Variants in ARAP2 observed in about 807,000 individuals in gnomAD.
The protein encoded by ARAP2 is arf-GAP with Rho-GAP domain, ANK repeat and PH domain-containing protein 2.
ARAP2 carries 148 observed loss-of-function variants against 194.5 expected under a neutral mutation model. The observed-to-expected ratio is 0.76, with a 90% confidence interval of 0.67 to 0.87. The LOEUF (loss-of-function observed/expected upper bound fraction) is 0.87, where lower values mean the gene tolerates loss of function less well. ARAP2 is among the 40% of genes least tolerant of loss of function. The pLI, the probability that ARAP2 is intolerant of heterozygous loss-of-function variation, is 0.00. For missense variants in ARAP2, 2,128 were observed against 1,989.7 expected (o/e 1.07, Z -1.32); for synonymous variants, 695 against 683.5 (o/e 1.02, Z -0.26).
At chr4:36,121,394 G>C (rs1722649657) in intron 22 of ARAP2, 68 bp from the exon 23 acceptor site, 1 of 1,424,104 alleles carries the variant, frequency 7.0e-7, no homozygotes, top group Non-Finnish European at 9.4e-7. Context: ...CAGAAAGCCA[G>C]TTTATCAATT....
rs371505212 is a variant in ARAP2 at position 36,230,670 on chromosome 4, GCGT to G, written c.-159-1028_-159-1026del. On this transcript the variant is annotated intron_variant, in intron 1 of 32. Transcript: ENST00000303965. ...ATATGTGCAACTTTCTGTACATTGT[GCGT>G]CAATAAAAAAGTACAGAGCAGGCAT... Among the ~76,000 whole-genome samples the G allele has an allele frequency of 9.9e-5, 15 of 152,212 alleles. No homozygotes were observed. In the East Asian group the frequency reaches 2.9e-3, roughly 29 times the overall value.
Position 36,068,212 on chromosome 4 carries a change from T to C in ARAP2, c.4810A>G (p.Ser1604Gly), listed in dbSNP as rs757964428. ...ACCATGGAAGCTCTCTCCTTTAAGCTAGAGTCCACGGACTCTTTATCACAC... is the reference window on the plus strand; with the variant it reads ...ACCATGGAAGCTCTCTCCTTTAAGCCAGAGTCCACGGACTCTTTATCACAC... ...EKCDKESVDS[S>G]LKERASMVAH... Residue 1604 changes from serine to glycine, a missense_variant, in exon 33 of 33, where the codon AGC becomes GGC. Coordinates refer to ENST00000303965, the MANE Select transcript of ARAP2 (RefSeq NM_015230.4). 6.2e-7 allele frequency: 1 copy of C among 1,612,490 alleles called. No homozygotes were observed. The highest frequency in any genetic ancestry group is 2.2e-5 in the East Asian group (1 of 44,878).
chr4:36,125,017 T>C, intron 21 of ARAP2, 50 bp from the exon 22 acceptor site: 1 of 1,216,376 alleles, frequency 8.2e-7, no homozygotes. Context: ...TTATCTATGT[T>C]ATGGATTTGT....
chr4:36,064,490 G>A (rs899977098), downstream of ARAP2, among the ~76,000 whole-genome samples: 9 of 152,232 alleles, frequency 5.9e-5, no homozygotes, highest in Non-Finnish European at 8.8e-5. Context: ...GAATGGGGTG[G>A]CAGGACTTGC....
rs112901531 is a variant in ARAP2 at position 36,171,357 on chromosome 4, C to A, written c.1858-4310G>T. Among the ~76,000 whole-genome samples the A allele has an allele frequency of 6.3e-3, 965 of 152,254 alleles. 13 individuals carry two copies. The highest frequency in any genetic ancestry group is 0.022 in the African/African-American group (921 of 41,556). Reference sequence around the variant, plus strand: ...ATGCAGCCATAAAAAATGAAGAGTTCATGTCCTTTGTACGGACATGGATGA... The same window carrying A: ...ATGCAGCCATAAAAAATGAAGAGTTAATGTCCTTTGTACGGACATGGATGA... On this transcript the variant is annotated intron_variant, in intron 9 of 32. Transcript: ENST00000303965.
intron 8 of ARAP2, among the ~76,000 whole-genome samples, chr4:36,013,443 G>T (rs965702335): frequency 1.3e-5 from 2 of 152,166 alleles, no homozygotes; most frequent in African/African-American, 4.8e-5. Context: ...TTTTTACCAT[G>T]CCTAAATGAC....
intron 1 of ARAP2, among the ~76,000 whole-genome samples, chr4:36,239,804 A>G (rs1753171057): frequency 6.6e-6 from 1 of 152,244 alleles, no homozygotes; most frequent in South Asian, 2.1e-4. Flanking sequence ...ATCAGAAAAC[A>G]GACTAGAAGA....
chr4:36,099,993 T>C (rs1716415948), intron 27 of ARAP2, among the ~76,000 whole-genome samples: 2 of 151,974 alleles, frequency 1.3e-5, no homozygotes, highest in Non-Finnish European at 2.9e-5. Context: ...TTTCTAAGAG[T>C]CTAAAAACCT....
intron 19 of ARAP2, among the ~76,000 whole-genome samples, chr4:36,136,938 A>ATG (rs1726968867): frequency 6.8e-6 from 1 of 147,588 alleles, no homozygotes; most frequent in Non-Finnish European, 1.5e-5. Flanking sequence ...GCGCGCACAC[A>ATG]CACACACACA....
chr4:36,206,252 T>A (rs939048491), intron 6 of ARAP2, among the ~76,000 whole-genome samples: 1 of 152,220 alleles, frequency 6.6e-6, no homozygotes, highest in Non-Finnish European at 1.5e-5. Flanking sequence ...GCTATTGGCT[T>A]CTGGGAGCTC....
intron 19 of ARAP2, among the ~76,000 whole-genome samples, chr4:36,141,116 A>G (rs1181229865): frequency 6.6e-6 from 1 of 151,700 alleles, no homozygotes; most frequent in African/African-American, 2.4e-5. Flanking sequence ...ATTTTGAGAA[A>G]AAGATGTAAT....
intron 27 of ARAP2, among the ~76,000 whole-genome samples, chr4:36,106,772 T>TA (rs140975134): frequency 1.3e-5 from 2 of 151,766 alleles, no homozygotes; most frequent in Admixed American, 6.6e-5. Context: ...ACAAGGAAGT[T>TA]AAAAAAAACT....
At position 36,150,974 on chromosome 4, in the gene ARAP2, T is replaced by C; in HGVS notation, c.2823A>G (p.Thr941=). ...CATTGATATTAATGGTGCCATTAGG[T>C]GTGGTAGACTTATCATTTTCATAGT... ...LSYYENDKST[T]PNGTININEV... is the part of the protein sequence containing the mutation. The change falls in exon 16 of 33, where the codon ACA becomes ACG. Residue 941 remains threonine, a synonymous_variant. Transcript: ENST00000303965. 3 of 1,612,754 alleles carry C rather than the reference T, an allele frequency of 1.9e-6. No homozygotes were observed. In the East Asian group the frequency reaches 6.7e-5, roughly 36 times the overall value.
rs6856512 is a variant in ARAP2 at position 36,026,874 on chromosome 4, G to T, written n.608-7588C>A. Among the ~76,000 whole-genome samples, 132 of 152,262 alleles carry T rather than the reference G, an allele frequency of 8.7e-4. 1 individual carries two copies. The highest frequency in any genetic ancestry group is 3.0e-3 in the African/African-American group (123 of 41,540). On this transcript the variant is annotated intron_variant and non_coding_transcript_variant, in intron 5 of 12. Coordinates refer to the ARAP2 transcript ENST00000503225. ...ATTGTTTTTGTCACGTGCGCCAGCAGGGCAAGCAACAGCAACTAGAAGTCA... is the reference window on the plus strand; with the variant it reads ...ATTGTTTTTGTCACGTGCGCCAGCATGGCAAGCAACAGCAACTAGAAGTCA...
At chr4:36,190,847 T>A (rs1314991086) in intron 7 of ARAP2, among the ~76,000 whole-genome samples, 1 of 152,180 alleles carries the variant, frequency 6.6e-6, no homozygotes, top group African/African-American at 2.4e-5. Context: ...ACTCAGTCAC[T>A]GTTTAAAAAG....
intron 6 of ARAP2, among the ~76,000 whole-genome samples, chr4:36,199,147 C>T (rs1230722156): frequency 6.6e-6 from 1 of 152,232 alleles, no homozygotes; most frequent in Admixed American, 6.5e-5. Context: ...CTCTCTGCTG[C>T]AGCCAGTGTC....
At chr4:36,047,304 A>G (rs1721993004) in intron 3 of ARAP2, 1 of 152,258 alleles carries the variant, frequency 6.6e-6, no homozygotes, top group Non-Finnish European at 1.5e-5. Context: ...CTCCCATCCA[A>G]GAGAGTGTAG....
intron 5 of ARAP2, among the ~76,000 whole-genome samples, chr4:36,025,850 AT>A (rs1356255623): frequency 7.9e-5 from 12 of 152,144 alleles, no homozygotes; most frequent in South Asian, 4.2e-4. Flanking sequence ...AATGTTCATG[AT>A]TTTTTTCCCC....
At chr4:36,145,506 A>G (rs1225906297) in intron 19 of ARAP2, among the ~76,000 whole-genome samples, 2 of 151,930 alleles carry the variant, frequency 1.3e-5, no homozygotes, top group East Asian at 1.9e-4. Context: ...GATGGAAATA[A>G]TAGACACTGA....
Sources: gnomAD v4.1 joint callset for allele counts (sites outside exome capture counted in the v4.1 genomes callset) on GRCh38, gnomAD v4.1.1 for gene constraint, MANE v1.5 for transcripts, NCBI Gene and HGNC (gene_info 2026-07-23, HGNC 2026-07-21) for gene names.